Variants in PML observed in about 807,000 individuals in gnomAD.
PML encodes the protein PML nuclear body scaffold.
Under a neutral mutation model 65.2 loss-of-function variants are expected in PML, and 28 were observed. The observed-to-expected ratio is 0.43, with a 90% CI of 0.32 to 0.59. The LOEUF (loss-of-function observed/expected upper bound fraction) is 0.59, where lower values mean the gene tolerates loss of function less well. Among genes scored for constraint, PML ranks in the 20% least tolerant of loss-of-function variants. The pLI, the probability that PML is intolerant of heterozygous loss-of-function variation, is 0.08. For synonymous variants in PML, 500 were observed against 508.8 expected (o/e 0.98, Z 0.23); for missense variants, 1,021 against 1,203.4 (o/e 0.85, Z 2.24).
chr15:74,006,818 G>T (rs947644775), intron 2 of PML, among the ~76,000 whole-genome samples: 3 of 152,140 alleles, frequency 2.0e-5, no homozygotes, highest in Admixed American at 6.5e-5. Flanking sequence ...CAGGCGTGTC[G>T]CATGGCAAGA....
At chr15:74,025,111 G>T in intron 4 of PML, 184 bp downstream of exon 4, 2 of 608,066 alleles carry the variant, frequency 3.3e-6, no homozygotes, top group Non-Finnish European at 6.0e-6. Flanking sequence ...TGGCTAGCTG[G>T]CTCTGACTCT....
At chr15:74,038,035 A>G (rs957360973) in intron 7 of PML, among the ~76,000 whole-genome samples, 4 of 152,002 alleles carry the variant, frequency 2.6e-5, no homozygotes, top group African/African-American at 9.7e-5. Context: ...CCAAGACCCC[A>G]TAGCCACCCA....
chr15:74,033,734 C>T, intron 6 of PML: 3 of 609,312 alleles, frequency 4.9e-6, no homozygotes, highest in Non-Finnish European at 8.9e-6. Flanking sequence ...CTAGCATACT[C>T]CCAGAGAGGG....
chr15:74,028,953 A>G (rs891848030), intron 4 of PML, among the ~76,000 whole-genome samples: 1 of 152,202 alleles, frequency 6.6e-6, no homozygotes, highest in African/African-American at 2.4e-5. Context: ...ATCTGCTACT[A>G]TGAACACGGG....
rs1177547070 is a variant in PML at position 74,043,397 on chromosome 15, T to A, written c.1861+258T>A. The A allele has an allele frequency of 7.0e-7, 1 of 1,426,698 alleles. No homozygotes were observed. The highest frequency in any genetic ancestry group is 2.5e-5 in the East Asian group (1 of 39,440). 88.4% of individuals were successfully genotyped at this position (1,426,698 alleles called of 1,614,324 possible). The stretch of plus-strand genomic sequence containing the variant: ...CTCCACAAGTGCACCTCTGACCAGT[T>A]CTTCTCTCAGACAGAGAGCCTGGGG... On this transcript the variant is annotated intron_variant, in intron 8 of 8. Coordinates refer to ENST00000268058, the MANE Select transcript of PML (RefSeq NM_033238.3). This position sits in a 1 kb window ranked among gnomAD's most constrained non-coding sequence, Gnocchi z 4.3.
intron 4 of PML, chr15:74,031,325 A>G (rs1297176134): frequency 2.6e-5 from 11 of 424,266 alleles, no homozygotes; most frequent in Non-Finnish European, 4.7e-5. Context: ...CCCAGGCTGG[A>G]GTGCAGTGAC....
chr15:74,045,077 C>A lies in PML; in HGVS notation c.*69C>A. ...GATGGGGTCCCTGAGCCAGGCCCCACCCATCACAGCATTCCCAGGTCCTGG... is the reference window on the plus strand; with the variant it reads ...GATGGGGTCCCTGAGCCAGGCCCCAACCATCACAGCATTCCCAGGTCCTGG... On this transcript the variant is annotated 3_prime_UTR_variant, in exon 9 of 9. Transcript: ENST00000268058. 1 of 1,359,492 alleles carries A rather than the reference C, an allele frequency of 7.4e-7. No individual in the cohort carries two copies. The highest frequency in any genetic ancestry group is 1.4e-5 in the African/African-American group (1 of 69,230). The allele number at this position is 1,359,492 out of a possible 1,614,324, so 84.2% of individuals were successfully genotyped here.
rs1033078178 is a variant in PML at position 74,023,344 on chromosome 15, C to T, written c.1119C>T (p.Thr373=). The part of the protein sequence containing the change: ...EPQSLQAAVR[T]DGFDEFKVRL... Reference sequence around the variant, plus strand: ...AGAGCCTGCAAGCTGCCGTGCGCACCGATGGCTTCGACGAGTTCAAGGTGC... The same window carrying T: ...AGAGCCTGCAAGCTGCCGTGCGCACTGATGGCTTCGACGAGTTCAAGGTGC... The change falls in exon 3 of 9, where the codon ACC becomes ACT. Residue 373 remains threonine (T), a synonymous_variant. Transcript: ENST00000268058. The T allele has an allele frequency of 2.5e-6, 4 of 1,603,724 alleles. No homozygotes were observed. In the African/African-American group the frequency reaches 4.0e-5, roughly 16 times the overall value.
intron 7 of PML, chr15:74,036,032 C>A (rs200028634): frequency 6.2e-7 from 1 of 1,614,146 alleles, no homozygotes; most frequent in Admixed American, 1.7e-5. Context: ...CATGCTCTTA[C>A]AGGCCCTGCA....
Position 74,035,317 on chromosome 15 carries a change from C to G in PML, c.1710+787C>G, listed in dbSNP as rs780250401. The G allele has an allele frequency of 2.1e-5, 34 of 1,612,814 alleles. No homozygotes were observed. The highest frequency in any genetic ancestry group is 2.9e-5 in the Non-Finnish European group (34 of 1,179,916). On this transcript the variant is annotated intron_variant, in intron 7 of 8. Coordinates refer to ENST00000268058, the MANE Select transcript of PML (RefSeq NM_033238.3). This position sits in a 1 kb window ranked among gnomAD's most constrained non-coding sequence, Gnocchi z 4.1. The stretch of plus-strand genomic sequence containing the variant: ...AGCCTGCCCTGTGGCACATACCACC[C>G]CCCAGCTTGGCCTCCCCACCAGCCC...
chr15:74,019,213 C>T (rs934367529), intron 2 of PML, among the ~76,000 whole-genome samples: 3 of 152,280 alleles, frequency 2.0e-5, no homozygotes, highest in Non-Finnish European at 2.9e-5. Context: ...AAGGACCCAG[C>T]GGAGGCTATG....
In PML at chr15:74,046,904, G is replaced by A; in HGVS notation, c.*1896G>A. 4.3e-6 allele frequency: 1 copy of A among 230,544 alleles called. No homozygotes were observed. The highest frequency in any genetic ancestry group is 5.7e-5 in the Admixed American group (1 of 17,684). 14.3% of individuals were successfully genotyped at this position (230,544 alleles called of 1,614,324 possible). A position where few individuals can be genotyped will look rare whatever the true frequency, so the allele number is the denominator to read the frequency against. ...TGCCCAGCACAACTGTGTTTTGTGG[G>A]GCGTCTTTTAGGACTTAGCAGAGCT... On this transcript the variant is annotated 3_prime_UTR_variant, in exon 9 of 9. Transcript: ENST00000268058.
Position 74,042,249 on chromosome 15 carries a change from T to C in PML, c.1711-740T>C. Reference sequence around the variant, plus strand: ...ACCTGAAGGACTCCCAAAACTCAGGTTTCTCTAAGCTGCTGGGGCAGATGC... The same window carrying C: ...ACCTGAAGGACTCCCAAAACTCAGGCTTCTCTAAGCTGCTGGGGCAGATGC... On this transcript the variant is annotated intron_variant, in intron 7 of 8. Coordinates refer to ENST00000268058, the MANE Select transcript of PML (RefSeq NM_033238.3). The surrounding 1 kb of genome is among the most constrained non-coding windows in gnomAD (Gnocchi z 5.3). The C allele has an allele frequency of 2.0e-6, 1 of 501,504 alleles. No individual in the cohort carries two copies. The highest frequency in any genetic ancestry group is 2.6e-6 in the Non-Finnish European group (1 of 387,628). 31.1% of individuals were successfully genotyped at this position (501,504 alleles called of 1,614,324 possible).
chr15:74,012,338 G>A (rs2070372820), intron 2 of PML, among the ~76,000 whole-genome samples: 2 of 152,136 alleles, frequency 1.3e-5, no homozygotes, highest in Non-Finnish European at 2.9e-5. Flanking sequence ...ACCACTCCTG[G>A]CTAATTTTTG....
Position 74,037,137 on chromosome 15 carries a change from T to C in PML, c.1710+2607T>C. The C allele has an allele frequency of 3.0e-6, 3 of 985,400 alleles. No individual in the cohort carries two copies. Among genetic ancestry groups the C allele is most frequent in the Non-Finnish European group, 3.6e-6 (3 of 829,916 alleles). The allele number at this position is 985,400 out of a possible 1,614,324, so 61.0% of individuals were successfully genotyped here. A position where few individuals can be genotyped will look rare whatever the true frequency, so the allele number is the denominator to read the frequency against. ...GTGACTGCTAAGGGCTCCTTGGTGC[T>C]CCGCCCAGCATGTCCTTTTGCTCTG... On this transcript the variant is annotated intron_variant, in intron 7 of 8. Transcript: ENST00000268058. This position sits in a 1 kb window ranked among gnomAD's most constrained non-coding sequence, Gnocchi z 4.2.
In PML at chr15:74,044,952, G is replaced by T; in HGVS notation, c.2593G>T (p.Val865Phe). The change falls in exon 9 of 9, where the codon GTC (valine) becomes TTC (phenylalanine). Residue 865 changes from valine to phenylalanine, a missense_variant. Physicochemically the swap from Val to Phe is conservative, Grantham distance 50. Transcript: ENST00000268058. ...EGPALARAEG[V>F]STPLAGRGLA... ...TCCGGCGCTGGCACGGGCAGAAGGA[G>T]TCTCCACCCCACTTGCTGGCCGTGG... The T allele has an allele frequency of 1.2e-6, 2 of 1,612,002 alleles. No individual in the cohort carries two copies. Among genetic ancestry groups the T allele is most frequent in the Non-Finnish European group, 1.7e-6 (2 of 1,179,492 alleles).
rs1473530649 is a variant in PML at position 74,035,431 on chromosome 15, A to G, written c.1710+901A>G. The G allele has an allele frequency of 6.2e-7, 1 of 1,611,984 alleles. No individual in the cohort carries two copies. The highest frequency in any genetic ancestry group is 1.3e-5 in the African/African-American group (1 of 74,824). ...CCTGCCGTCCACCGTGGGATCCGCT[A>G]CCTGTTGTACAGAGCACAGAGAGCC... On this transcript the variant is annotated intron_variant, in intron 7 of 8. Transcript: ENST00000268058. The surrounding 1 kb of genome is among the most constrained non-coding windows in gnomAD (Gnocchi z 4.1).
At chr15:74,008,714 G>C (rs898790075) in intron 2 of PML, among the ~76,000 whole-genome samples, 12 of 151,436 alleles carry the variant, frequency 7.9e-5, no homozygotes, top group African/African-American at 2.7e-4. Context: ...ACTCCAGCCT[G>C]GGTGACAGAG....
intron 6 of PML, chr15:74,033,992 A>AT (rs1171262225): frequency 6.1e-6 from 2 of 325,634 alleles, no homozygotes; most frequent in Non-Finnish European, 1.1e-5. Flanking sequence ...TTTGTTCCTC[A>AT]TTCTGACTGA....
Sources: allele counts gnomAD v4.1 joint callset (sites outside exome capture counted in the v4.1 genomes callset), GRCh38; gene constraint gnomAD v4.1.1; non-coding constraint Gnocchi (gnomAD v3.1); transcripts MANE v1.5; gene names NCBI Gene and HGNC (gene_info 2026-07-23, HGNC 2026-07-21).